HS6ST3: variants seen among roughly 807,000 people sequenced by gnomAD.
HS6ST3 encodes heparan-sulfate 6-O-sulfotransferase 3.
Under a neutral mutation model 36.7 loss-of-function variants are expected in HS6ST3, and 12 were observed. That is an observed-to-expected ratio of 0.33 (90% CI 0.21 to 0.53). The LOEUF (loss-of-function observed/expected upper bound fraction) is 0.53, where lower values mean the gene tolerates loss of function less well. Among genes scored for constraint, HS6ST3 ranks in the 20% least tolerant of loss-of-function variants. HS6ST3 has a pLI of 0.95. For missense variants in HS6ST3, 584 were observed against 640.9 expected (o/e 0.91, Z 0.96); for synonymous variants, 240 against 257.5 (o/e 0.93, Z 0.65).
chr13:96,339,310 A>C (rs2055118336), intron 1 of HS6ST3, among the ~76,000 whole-genome samples: 1 of 152,196 alleles, frequency 6.6e-6, no homozygotes, highest in African/African-American at 2.4e-5. Context: ...TTGGTTTAAA[A>C]GGCAAATTCT....
chr13:96,498,414 G>C (rs1158336665), intron 1 of HS6ST3, among the ~76,000 whole-genome samples: 1 of 152,076 alleles, frequency 6.6e-6, no homozygotes, highest in Non-Finnish European at 1.5e-5. Flanking sequence ...TCGGGTATCA[G>C]TTTCTGAGTC....
At chr13:96,406,534 A>G (rs2055479398) in intron 1 of HS6ST3, among the ~76,000 whole-genome samples, 1 of 152,234 alleles carries the variant, frequency 6.6e-6, no homozygotes, top group Non-Finnish European at 1.5e-5. Context: ...TATCATTTGC[A>G]TTTCACAACC....
intron 1 of HS6ST3, among the ~76,000 whole-genome samples, chr13:96,417,137 T>C (rs1486913245): frequency 1.3e-5 from 2 of 152,192 alleles, no homozygotes; most frequent in African/African-American, 4.8e-5. Context: ...TAAGTGGACA[T>C]GCTTCAGAAT....
intron 1 of HS6ST3, among the ~76,000 whole-genome samples, chr13:96,676,973 T>G (rs1483297672): frequency 1.3e-5 from 2 of 152,154 alleles, no homozygotes; most frequent in Non-Finnish European, 2.9e-5. Context: ...AAGGTCATAG[T>G]AAGTAGAGAA....
intron 1 of HS6ST3, among the ~76,000 whole-genome samples, chr13:96,453,448 T>G (rs2055739839): frequency 1.3e-5 from 2 of 152,192 alleles, no homozygotes; most frequent in South Asian, 4.1e-4. Context: ...CTTCTAAGAC[T>G]GTTTGTCACA....
At chr13:96,540,671 G>A (rs2138941766) in intron 1 of HS6ST3, among the ~76,000 whole-genome samples, 1 of 152,262 alleles carries the variant, frequency 6.6e-6, no homozygotes, top group East Asian at 1.9e-4. Flanking sequence ...GTAACTTAAT[G>A]CCAGTTCCTT....
chr13:96,468,469 TACACACATACAC>T (rs1215079372), intron 1 of HS6ST3, among the ~76,000 whole-genome samples: 246 of 46,244 alleles, frequency 5.3e-3, no homozygotes, highest in African/African-American at 0.014. Flanking sequence ...TAACAGGACA[TACACACATACAC>T]ACACACACAC....
At chr13:96,803,644 A>G (rs1878134507) in intron 1 of HS6ST3, among the ~76,000 whole-genome samples, 1 of 152,208 alleles carries the variant, frequency 6.6e-6, no homozygotes, top group Non-Finnish European at 1.5e-5. Context: ...ACAGCCCTAT[A>G]TTCAAATTTG....
intron 1 of HS6ST3, among the ~76,000 whole-genome samples, chr13:96,517,469 A>G (rs1398423207): frequency 6.6e-6 from 1 of 152,342 alleles, no homozygotes; most frequent in Middle Eastern, 3.4e-3. Flanking sequence ...GGGAGAGGGC[A>G]GACATGGGGA....
intron 1 of HS6ST3, among the ~76,000 whole-genome samples, chr13:96,721,358 G>A (rs2138468953): frequency 6.6e-6 from 1 of 152,102 alleles, no homozygotes; most frequent in East Asian, 1.9e-4. Context: ...TTGTCTCTGA[G>A]GGAGATTTTT....
intron 1 of HS6ST3, among the ~76,000 whole-genome samples, chr13:96,655,644 A>G (rs995027183): frequency 1.3e-5 from 2 of 152,092 alleles, no homozygotes; most frequent in Non-Finnish European, 2.9e-5. Context: ...TGATTGACAA[A>G]AGTCACTACT....
At chr13:96,469,576 G>A (rs2055830824) in intron 1 of HS6ST3, among the ~76,000 whole-genome samples, 1 of 152,144 alleles carries the variant, frequency 6.6e-6, no homozygotes, top group South Asian at 2.1e-4. Flanking sequence ...AAGTAGCCCA[G>A]AACTTGGTTG....
chr13:96,191,598 G>T (rs2054288791), intron 1 of HS6ST3, among the ~76,000 whole-genome samples: 2 of 152,070 alleles, frequency 1.3e-5, no homozygotes, highest in Non-Finnish European at 2.9e-5. Context: ...TGCCTCTCGT[G>T]TTGTTCCTTC....
intron 1 of HS6ST3, among the ~76,000 whole-genome samples, chr13:96,471,305 C>T (rs985682350): frequency 6.6e-6 from 1 of 152,150 alleles, no homozygotes; most frequent in Non-Finnish European, 1.5e-5. Flanking sequence ...CAATTTTTTT[C>T]CTTCTATAGA....
intron 1 of HS6ST3, among the ~76,000 whole-genome samples, chr13:96,098,347 C>T (rs191050233): frequency 3.7e-3 from 567 of 152,220 alleles, no homozygotes; most frequent in Non-Finnish European, 6.8e-3. Flanking sequence ...TACTACTGGT[C>T]AAGGCTAGGT....
chr13:96,123,402 A>G (rs61967998), intron 1 of HS6ST3, among the ~76,000 whole-genome samples: 4,017 of 152,318 alleles, frequency 0.026, 65 homozygotes, highest in Non-Finnish European at 0.034. Flanking sequence ...GATTAAATAG[A>G]GTTTTAAATT....
intron 1 of HS6ST3, among the ~76,000 whole-genome samples, chr13:96,235,353 G>C (rs1425182581): frequency 6.6e-6 from 1 of 152,100 alleles, no homozygotes; most frequent in Non-Finnish European, 1.5e-5. Flanking sequence ...GAACTAGTCA[G>C]AGCAGGCAGT....
chr13:96,380,690 C>T (rs2055336660), intron 1 of HS6ST3, among the ~76,000 whole-genome samples: 1 of 152,162 alleles, frequency 6.6e-6, no homozygotes, highest in Non-Finnish European at 1.5e-5. Context: ...AATCTAGCCG[C>T]TAAATAAAGA....
chr13:96,142,207 G>A (rs2139318115), intron 1 of HS6ST3, among the ~76,000 whole-genome samples: 1 of 152,270 alleles, frequency 6.6e-6, no homozygotes, highest in South Asian at 2.1e-4. Flanking sequence ...GAAAGTGACA[G>A]CATCAATCAA....
Sources: allele counts gnomAD v4.1 joint callset (sites outside exome capture counted in the v4.1 genomes callset), GRCh38; gene constraint gnomAD v4.1.1; transcripts MANE v1.5; gene names NCBI Gene and HGNC (gene_info 2026-07-23, HGNC 2026-07-21).